Variants in PIP5K1B observed in about 807,000 individuals in gnomAD.
The protein encoded by PIP5K1B is phosphatidylinositol 4-phosphate 5-kinase type-1 beta.
A neutral mutation model predicts 67.0 loss-of-function variants in PIP5K1B; 42 were observed. The observed-to-expected ratio is 0.63, with a 90% CI of 0.49 to 0.81. The LOEUF is 0.81. Among genes scored for constraint, PIP5K1B ranks in the 30% least tolerant of loss-of-function variants. The pLI, the probability that PIP5K1B is intolerant of heterozygous loss-of-function variation, is 0.00. For missense variants in PIP5K1B, 459 were observed against 646.3 expected, an observed-to-expected ratio of 0.71 and a Z score of 3.14; for synonymous variants, 214 against 231.4, an observed-to-expected ratio of 0.92 and a Z score of 0.68.
chr9:68,782,606 G>A (rs1251023045), intron 2 of PIP5K1B: 10 of 167,058 alleles, frequency 6.0e-5, no homozygotes, highest in Admixed American at 3.9e-4. Context: ...AGAGTAAATG[G>A]AACTGGTCAA....
intron 14 of PIP5K1B, among the ~76,000 whole-genome samples, chr9:68,988,270 A>C (rs1490940182): frequency 6.6e-6 from 1 of 151,832 alleles, no homozygotes. Context: ...TAAAGTTTAA[A>C]AAAAAATTTA....
intron 14 of PIP5K1B, among the ~76,000 whole-genome samples, chr9:68,966,133 A>G (rs1160778028): frequency 2.0e-5 from 3 of 152,184 alleles, no homozygotes; most frequent in Admixed American, 6.5e-5. Context: ...AAGAATAAAT[A>G]TCCAAGAGGC....
At chr9:68,954,368 C>T (rs1008908608) in intron 14 of PIP5K1B, among the ~76,000 whole-genome samples, 2 of 152,020 alleles carry the variant, frequency 1.3e-5, no homozygotes, top group African/African-American at 4.8e-5. Flanking sequence ...TTTCATCTGC[C>T]TCTGTTTCTT....
intron 14 of PIP5K1B, among the ~76,000 whole-genome samples, chr9:68,989,073 T>C (rs1172320055): frequency 9.2e-6 from 1 of 108,832 alleles, no homozygotes; most frequent in Non-Finnish European, 1.7e-5. Context: ...CCAGCCTGGC[T>C]GACAGAGCAA....
intron 2 of PIP5K1B, among the ~76,000 whole-genome samples, chr9:68,795,188 A>G (rs1292681437): frequency 6.6e-6 from 1 of 151,982 alleles, no homozygotes; most frequent in East Asian, 1.9e-4. Context: ...TGTGTGTTTT[A>G]ATGGTTAAAA....
rs1341045807 is a variant in PIP5K1B at position 69,009,107 on chromosome 9, A to G, written c.*658A>G. 2.6e-5 allele frequency: 4 copies of G among 151,478 alleles called. No individual in the cohort carries two copies. The highest frequency in any genetic ancestry group is 6.0e-5 in the Non-Finnish European group (4 of 67,124). The allele number at this position is 151,478 out of a possible 1,614,324, so 9.4% of individuals were successfully genotyped here. ...GTTTATTGCTTGTAAAAGAGAAATT[A>G]TATAATTTATTTAGTAAATACTACT... On this transcript the variant is annotated 3_prime_UTR_variant, in exon 16 of 16. Coordinates refer to ENST00000265382, the MANE Select transcript of PIP5K1B (RefSeq NM_003558.4).
intron 2 of PIP5K1B, among the ~76,000 whole-genome samples, chr9:68,800,012 G>T (rs1832513544): frequency 6.6e-6 from 1 of 152,136 alleles, no homozygotes; most frequent in Admixed American, 6.5e-5. Context: ...AAAATATATA[G>T]GGAACCCCTA....
At chr9:68,765,448 T>C (rs952543717) in intron 2 of PIP5K1B, among the ~76,000 whole-genome samples, 3 of 152,052 alleles carry the variant, frequency 2.0e-5, no homozygotes, top group African/African-American at 7.2e-5. Flanking sequence ...TAATGCAACA[T>C]GGAGAAAATG....
At chr9:68,943,928 G>A (rs1318024870) in intron 14 of PIP5K1B, among the ~76,000 whole-genome samples, 1 of 152,156 alleles carries the variant, frequency 6.6e-6, no homozygotes, top group Non-Finnish European at 1.5e-5. Context: ...ACTGCAGTGG[G>A]AAACTGCTGT....
intron 2 of PIP5K1B, 27 bp from the exon 3 acceptor site, chr9:68,818,434 G>A (rs1833561726): frequency 6.6e-6 from 1 of 152,372 alleles, no homozygotes; most frequent in South Asian, 2.1e-4. Context: ...ATGAATAAAT[G>A]ATGACCAGAA....
At position 68,934,958 on chromosome 9, in the gene PIP5K1B, A is replaced by C. The variant is rs1209862737; in HGVS notation, c.1270A>C (p.Ile424Leu). The stretch of plus-strand genomic sequence containing the variant: ...CGCCCTAAAGGCCACTTCACAGGAG[A>C]TTGTGTCCTCAATTAGCCAGGAATG... ...IAALKATSQE[I>L]VSSISQEWKD... The change falls in exon 13 of 16, where the codon ATT becomes CTT. Residue 424 changes from isoleucine (I) to leucine (L), a missense_variant. By Grantham distance (5) the Ile-to-Leu change is conservative (BLOSUM62 2). Transcript: ENST00000265382. The C allele has an allele frequency of 6.2e-6, 10 of 1,613,620 alleles. No homozygotes were observed. The highest frequency in any genetic ancestry group is 8.5e-6 in the Non-Finnish European group (10 of 1,179,742).
chr9:68,972,919 C>T (rs1244972993), intron 14 of PIP5K1B, among the ~76,000 whole-genome samples: 2 of 152,204 alleles, frequency 1.3e-5, no homozygotes, highest in African/African-American at 2.4e-5. Context: ...TAAATTCAGG[C>T]ACCTCCAGCA....
intron 8 of PIP5K1B, among the ~76,000 whole-genome samples, chr9:68,901,522 G>T (rs1825350993): frequency 6.6e-6 from 1 of 152,276 alleles, no homozygotes; most frequent in South Asian, 2.1e-4. Flanking sequence ...GCCTCCTAAA[G>T]TGCTGGGATT....
At chr9:69,004,984 A>G (rs1184054053) in intron 15 of PIP5K1B, among the ~76,000 whole-genome samples, 1 of 152,178 alleles carries the variant, frequency 6.6e-6, no homozygotes, top group Non-Finnish European at 1.5e-5. Context: ...TATCCAGATC[A>G]TGTCATCCAA....
At chr9:68,956,858 A>C (rs1004999854) in intron 14 of PIP5K1B, among the ~76,000 whole-genome samples, 2 of 152,122 alleles carry the variant, frequency 1.3e-5, no homozygotes, top group Non-Finnish European at 2.9e-5. Context: ...GGTAGGGAGG[A>C]GTCCTGGGGC....
chr9:68,887,378 G>C (rs931834043), intron 6 of PIP5K1B, among the ~76,000 whole-genome samples: 1 of 152,120 alleles, frequency 6.6e-6, no homozygotes, highest in African/African-American at 2.4e-5. Flanking sequence ...CAAAAGCCTG[G>C]CTGTTGAGAG....
At chr9:68,907,410 A>G (rs1248623311) in intron 8 of PIP5K1B, among the ~76,000 whole-genome samples, 1 of 152,082 alleles carries the variant, frequency 6.6e-6, no homozygotes, top group Non-Finnish European at 1.5e-5. Flanking sequence ...AGTTTTGATC[A>G]TGTGCATATA....
rs1038081019 is a variant in PIP5K1B, at chr9:69,008,572, T to C, written c.*123T>C. 19 of 930,682 alleles carry C rather than the reference T, an allele frequency of 2.0e-5. No individual in the cohort carries two copies. Among genetic ancestry groups the C allele is most frequent in the Non-Finnish European group, 3.4e-5 (19 of 564,184 alleles). 57.7% of individuals were successfully genotyped at this position (930,682 alleles called of 1,614,324 possible). A position where few individuals can be genotyped will look rare whatever the true frequency, so the allele number is the denominator to read the frequency against. On this transcript the variant is annotated 3_prime_UTR_variant, in exon 16 of 16. Coordinates refer to ENST00000265382, the MANE Select transcript of PIP5K1B (RefSeq NM_003558.4). ...AGCCCCACTACACACAGAGAAATCA[T>C]CAACCTGACTTAAGAGTTTTCAAGA... is the stretch of plus-strand genomic sequence containing the variant.
chr9:68,899,561 T>C (rs1825261296), intron 8 of PIP5K1B, among the ~76,000 whole-genome samples: 1 of 152,248 alleles, frequency 6.6e-6, no homozygotes, highest in Admixed American at 6.5e-5. Context: ...GGAGGAAGTA[T>C]CCAGTTTCAC....
Sources: allele counts gnomAD v4.1 joint callset (sites outside exome capture counted in the v4.1 genomes callset), GRCh38; gene constraint gnomAD v4.1.1; transcripts MANE v1.5; gene names NCBI Gene and HGNC (gene_info 2026-07-23, HGNC 2026-07-21).